CLVS1: variants seen among roughly 807,000 people sequenced by gnomAD.
CLVS1 encodes clavesin-1.
In CLVS1, 10 loss-of-function variants were observed where a neutral mutation model predicts 33.1. The observed-to-expected ratio is 0.30, with a 90% CI of 0.19 to 0.51. CLVS1 has a LOEUF of 0.51. CLVS1 is among the 20% of genes least tolerant of loss of function. The pLI is 0.97. For synonymous variants in CLVS1, 163 were observed against 166.1 expected (o/e 0.98, Z 0.14); for missense variants, 343 against 433.4 (o/e 0.79, Z 1.85).
chr8:61,058,836 A>G (rs1399353617), intron 1 of CLVS1, among the ~76,000 whole-genome samples: 2 of 152,084 alleles, frequency 1.3e-5, no homozygotes, highest in Non-Finnish European at 2.9e-5. Flanking sequence ...TGGTGTAATT[A>G]TTCTGAGATT....
rs533900808 is a variant in CLVS1 at position 61,408,761 on chromosome 8, T to G, written c.630+31982T>G. ...TTGGGGAGACACATTACCTTTTACC[T>G]TCAGTCACTCTTGGGCTGAAACATG... On this transcript the variant is annotated intron_variant, in intron 3 of 5. Transcript: ENST00000325897. 3.3e-5 allele frequency among the ~76,000 whole-genome samples: 5 copies of G among 152,332 alleles called. No individual in the cohort carries two copies. The South Asian group carries it at 1.0e-3, about 32-fold the overall frequency.
At chr8:61,055,467 C>T (rs1362960704), upstream of CLVS1, among the ~76,000 whole-genome samples, 2 of 152,150 alleles carry the variant, frequency 1.3e-5, no homozygotes, top group Non-Finnish European at 2.9e-5. Context: ...TTGGTCTTCC[C>T]CATAATCAGT....
intron 1 of CLVS1, among the ~76,000 whole-genome samples, chr8:61,119,867 C>T (rs373307877): frequency 0.027 from 3,011 of 109,738 alleles, 18 homozygotes; most frequent in South Asian, 0.038. Flanking sequence ...TTGCTCTTCT[C>T]GAGGAGTATC....
intron 3 of CLVS1, among the ~76,000 whole-genome samples, chr8:61,452,458 T>A (rs1000038862): frequency 3.3e-5 from 5 of 152,200 alleles, no homozygotes; most frequent in Non-Finnish European, 7.3e-5. Context: ...TGAATTCTAC[T>A]TCTAAATAAG....
At chr8:61,143,762 T>C (rs1299199311) in intron 2 of CLVS1, among the ~76,000 whole-genome samples, 2 of 135,180 alleles carry the variant, frequency 1.5e-5, no homozygotes, top group Non-Finnish European at 3.1e-5. Flanking sequence ...AATATGAATA[T>C]ATTATATATA....
intron 3 of CLVS1, among the ~76,000 whole-genome samples, chr8:61,451,176 G>C (rs1162553156): frequency 2.0e-5 from 3 of 151,874 alleles, no homozygotes; most frequent in Non-Finnish European, 4.4e-5. Context: ...TAAAAAAAAA[G>C]CAGGGGTTAT....
chr8:61,425,026 T>C (rs1207646132), intron 3 of CLVS1, among the ~76,000 whole-genome samples: 2 of 152,182 alleles, frequency 1.3e-5, no homozygotes, highest in Non-Finnish European at 2.9e-5. Flanking sequence ...CAGTATGTAA[T>C]GTAAATATTC....
upstream of CLVS1, among the ~76,000 whole-genome samples, chr8:61,052,591 A>C (rs1804403498): frequency 6.6e-6 from 1 of 152,062 alleles, no homozygotes; most frequent in Non-Finnish European, 1.5e-5. Flanking sequence ...TGGCACATGC[A>C]AATGCCCTGA....
At chr8:60,981,353 A>G in the CLVS1 span, among the ~76,000 whole-genome samples, 2 of 152,254 alleles carry the variant, frequency 1.3e-5, no homozygotes, top group Non-Finnish European at 2.9e-5. Flanking sequence ...CTTTGAGCAC[A>G]TGAATCAAGA....
At chr8:61,121,769 C>G (rs756840220) in intron 1 of CLVS1, among the ~76,000 whole-genome samples, 3 of 152,180 alleles carry the variant, frequency 2.0e-5, no homozygotes, top group Non-Finnish European at 2.9e-5. Context: ...CCCACACACA[C>G]ACAGACATTA....
the CLVS1 span, among the ~76,000 whole-genome samples, chr8:61,002,844 A>G: frequency 6.6e-6 from 1 of 152,162 alleles, no homozygotes; most frequent in Admixed American, 6.5e-5. Context: ...AGGATCATAT[A>G]TGGTGGAGGG....
intron 1 of CLVS1, among the ~76,000 whole-genome samples, chr8:61,099,087 T>G (rs1805403385): frequency 6.6e-6 from 1 of 152,188 alleles, no homozygotes; most frequent in African/African-American, 2.4e-5. Flanking sequence ...TTGAACTTCA[T>G]AAGGGTTAGG....
At chr8:61,226,978 ATGTT>A (rs1808344019) in intron 2 of CLVS1, among the ~76,000 whole-genome samples, 1 of 124,008 alleles carries the variant, frequency 8.1e-6, no homozygotes, top group Non-Finnish European at 1.6e-5. Flanking sequence ...TTACGAAAAC[ATGTT>A]TTTTTTTTTT....
chr8:61,263,269 C>T (rs746850758), intron 2 of CLVS1, among the ~76,000 whole-genome samples: 2 of 152,256 alleles, frequency 1.3e-5, no homozygotes, highest in South Asian at 2.1e-4. Context: ...TTTTTTACCC[C>T]CATGCTTTTC....
chr8:61,201,732 T>C (rs986451440), intron 2 of CLVS1, among the ~76,000 whole-genome samples: 3 of 136,526 alleles, frequency 2.2e-5, no homozygotes, highest in South Asian at 2.4e-4. Context: ...TTCTAGAAGG[T>C]TGGTGCCTCC....
intron 3 of CLVS1, among the ~76,000 whole-genome samples, chr8:61,420,241 AAGCATGTGAC>A (rs1281723216): frequency 6.6e-6 from 1 of 152,172 alleles, no homozygotes; most frequent in African/African-American, 2.4e-5. Flanking sequence ...TTGCTACAAA[AAGCATGTGAC>A]AGACGGTCTG....
At chr8:61,420,473 C>T (rs1233556416) in intron 3 of CLVS1, among the ~76,000 whole-genome samples, 1 of 151,990 alleles carries the variant, frequency 6.6e-6, no homozygotes, top group Non-Finnish European at 1.5e-5. Context: ...ATAGTGTCTC[C>T]TGCCTGTAGT....
At chr8:61,442,293 C>A (rs905609430) in intron 3 of CLVS1, among the ~76,000 whole-genome samples, 1 of 152,100 alleles carries the variant, frequency 6.6e-6, no homozygotes, top group African/African-American at 2.4e-5. Context: ...TTTTTTATTG[C>A]CAAGCAGTGT....
intron 2 of CLVS1, among the ~76,000 whole-genome samples, chr8:61,337,110 G>A (rs1258002214): frequency 2.6e-5 from 4 of 152,100 alleles, no homozygotes; most frequent in Admixed American, 6.6e-5. Context: ...AGATTTCCAC[G>A]TTGACTACAA....
Sources: gnomAD v4.1 joint callset for allele counts (sites outside exome capture counted in the v4.1 genomes callset) on GRCh38, gnomAD v4.1.1 for gene constraint, MANE v1.5 for transcripts, NCBI Gene and HGNC (gene_info 2026-07-23, HGNC 2026-07-21) for gene names.